SPAG16: variants seen among roughly 807,000 people sequenced by gnomAD.
SPAG16 encodes sperm associated antigen 16.
A neutral mutation model predicts 80.4 loss-of-function variants in SPAG16; 86 were observed. That is an observed-to-expected ratio of 1.07 (90% CI 0.90 to 1.28). SPAG16 has a LOEUF of 1.28. Ranked by LOEUF, SPAG16 falls within the 50% of genes most tolerant of loss-of-function variation. The probability of loss-of-function intolerance (pLI) is 0.00; values close to 1 mark genes in which losing one functional copy is unlikely to be tolerated. For synonymous variants in SPAG16, 294 were observed against 265.9 expected (o/e 1.11, Z -1.03); for missense variants, 870 against 765.3 (o/e 1.14, Z -1.61).
chr2:213,676,545 G>C (rs1045954592), intron 10 of SPAG16, among the ~76,000 whole-genome samples: 1 of 152,052 alleles, frequency 6.6e-6, no homozygotes. Context: ...TTATTATTTT[G>C]AGATATGTCC....
chr2:214,026,255 TAC>T (rs557585369), intron 13 of SPAG16, among the ~76,000 whole-genome samples: 6 of 151,066 alleles, frequency 4.0e-5, no homozygotes, highest in South Asian at 2.1e-4. Flanking sequence ...ATATTATATA[TAC>T]ACACACACAC....
rs147322023 is a variant in SPAG16 at position 213,869,293 on chromosome 2, G to GTA, written c.1214+6678_1214+6679dup. ...TATATATATATATGTATATATATAT[G>GTA]TATATATATATATAATATGTATACA... On this transcript the variant is annotated intron_variant, in intron 11 of 15. Transcript: ENST00000331683. 1.6e-3 allele frequency among the ~76,000 whole-genome samples: 48 copies of GTA among 29,892 alleles called. 1 individual carries two copies. The highest frequency in any genetic ancestry group is 0.029 in the Middle Eastern group (2 of 68). The allele number at this position is 29,892 out of a possible 152,430, so 19.6% of individuals were successfully genotyped here. A position where few individuals can be genotyped will look rare whatever the true frequency, so the allele number is the denominator to read the frequency against.
At chr2:213,488,566 TGCA>T (rs1161473677) in intron 9 of SPAG16, among the ~76,000 whole-genome samples, 2 of 151,986 alleles carry the variant, frequency 1.3e-5, no homozygotes, top group African/African-American at 4.8e-5. Context: ...GATGTGAAAA[TGCA>T]GCAATGATAA....
intron 15 of SPAG16, among the ~76,000 whole-genome samples, chr2:214,342,995 G>A (rs1191788164): frequency 2.6e-5 from 4 of 151,964 alleles, no homozygotes; most frequent in Non-Finnish European, 5.9e-5. Flanking sequence ...TTTGGGAGAT[G>A]ATGGAAAAAA....
chr2:213,689,446 T>A (rs1341518088), intron 10 of SPAG16, among the ~76,000 whole-genome samples: 2 of 152,014 alleles, frequency 1.3e-5, no homozygotes, highest in African/African-American at 4.8e-5. Flanking sequence ...AGATTTCTTT[T>A]GAAAAGCAGT....
intron 15 of SPAG16, among the ~76,000 whole-genome samples, chr2:214,367,836 G>A (rs1012730145): frequency 1.1e-4 from 16 of 151,954 alleles, no homozygotes; most frequent in African/African-American, 3.1e-4. Context: ...TTCTGTTGCT[G>A]GATTGTCATT....
intron 3 of SPAG16, among the ~76,000 whole-genome samples, chr2:213,304,869 A>C (rs1436104664): frequency 6.6e-6 from 1 of 152,146 alleles, no homozygotes; most frequent in African/African-American, 2.4e-5. Flanking sequence ...TTTTGGTTCC[A>C]TATAAATTGT....
chr2:213,736,706 A>ATTTTT (rs10631489), intron 10 of SPAG16, among the ~76,000 whole-genome samples: 9 of 145,424 alleles, frequency 6.2e-5, no homozygotes, highest in African/African-American at 1.8e-4. Context: ...TTTTTAAATA[A>ATTTTT]TTTTTTTTTT....
intron 8 of SPAG16, among the ~76,000 whole-genome samples, chr2:213,368,810 A>T (rs2066471504): frequency 6.6e-6 from 1 of 152,232 alleles, no homozygotes; most frequent in African/African-American, 2.4e-5. Flanking sequence ...AATCCCATTC[A>T]CAGTTGCTTC....
intron 10 of SPAG16, among the ~76,000 whole-genome samples, chr2:213,652,318 G>T: frequency 6.6e-6 from 1 of 151,666 alleles, no homozygotes; most frequent in Non-Finnish European, 1.5e-5. Flanking sequence ...ATTTTTTCTT[G>T]TTTTTTTAAT....
At chr2:213,675,422 G>C (rs1424693335) in intron 10 of SPAG16, among the ~76,000 whole-genome samples, 2 of 152,134 alleles carry the variant, frequency 1.3e-5, no homozygotes, top group Admixed American at 6.5e-5. Context: ...GGCTTTTGTT[G>C]CCGTTGCTTT....
At chr2:213,978,674 A>G (rs2045543542) in intron 12 of SPAG16, among the ~76,000 whole-genome samples, 1 of 152,130 alleles carries the variant, frequency 6.6e-6, no homozygotes, top group Non-Finnish European at 1.5e-5. Context: ...ATCTTTGAGT[A>G]GCTGAGCTAG....
chr2:213,538,991 T>C lies in SPAG16; in HGVS notation c.1070+48901T>C, dbSNP rs2125910552. Among the ~76,000 whole-genome samples, 3 of 152,296 alleles carry C rather than the reference T, an allele frequency of 2.0e-5. No individual in the cohort carries two copies. The East Asian group carries it at 5.8e-4, about 29-fold the overall frequency. ...TACTGTATAATGTGACAGTGATCTA[T>C]AAAAATGCATTTTATTTCATTCAAA... On this transcript the variant is annotated intron_variant, in intron 10 of 15. Transcript: ENST00000331683.
chr2:213,519,264 G>C (rs1021258807), intron 10 of SPAG16, among the ~76,000 whole-genome samples: 1 of 152,140 alleles, frequency 6.6e-6, no homozygotes, highest in African/African-American at 2.4e-5. Flanking sequence ...TTTTAAAAAA[G>C]TTAGCTTTAA....
At chr2:213,335,361 A>G (rs2064302283) in intron 5 of SPAG16, among the ~76,000 whole-genome samples, 1 of 152,204 alleles carries the variant, frequency 6.6e-6, no homozygotes, top group Non-Finnish European at 1.5e-5. Context: ...ACTGTCCTAA[A>G]TTGCACTATC....
rs191365157 is a variant in SPAG16 at position 214,365,157 on chromosome 2, A to G, written c.1721-44983A>G. 4.1e-4 allele frequency among the ~76,000 whole-genome samples: 62 copies of G among 152,298 alleles called. 1 individual carries two copies. The East Asian group carries it at 0.012, about 28-fold the overall frequency. The stretch of plus-strand genomic sequence containing the variant: ...CAGAAGGCGCGCTCCTGCTTTTAAC[A>G]AGAGATAGGAAATACAAGAGGAAGC... On this transcript the variant is annotated intron_variant, in intron 15 of 15. Transcript: ENST00000331683.
chr2:213,700,027 A>G (rs1044871170), intron 10 of SPAG16, among the ~76,000 whole-genome samples: 1 of 152,262 alleles, frequency 6.6e-6, no homozygotes, highest in Non-Finnish European at 1.5e-5. Context: ...CTATGATTCC[A>G]ACATATCTAT....
intron 15 of SPAG16, among the ~76,000 whole-genome samples, chr2:214,313,908 A>G (rs1490050560): frequency 6.6e-6 from 1 of 152,142 alleles, no homozygotes; most frequent in Non-Finnish European, 1.5e-5. Context: ...GCTGCCTGAA[A>G]TGACTCCTAA....
At chr2:214,383,570 C>CA (rs374925663) in intron 15 of SPAG16, among the ~76,000 whole-genome samples, 2,491 of 58,754 alleles carry the variant, frequency 0.042, 40 homozygotes, top group Middle Eastern at 0.14. Context: ...GACTTCATCT[C>CA]AAAAAAAAAG....
Sources: gnomAD v4.1 joint callset for allele counts (sites outside exome capture counted in the v4.1 genomes callset) on GRCh38, gnomAD v4.1.1 for gene constraint, MANE v1.5 for transcripts, NCBI Gene and HGNC (gene_info 2026-07-23, HGNC 2026-07-21) for gene names.